The following SFXN1 variants were observed in gnomAD, a reference collection of about 807,000 sequenced individuals.
SFXN1 encodes sideroflexin-1.
In SFXN1, 32 loss-of-function variants were observed where a neutral mutation model predicts 39.5. The ratio of observed to expected loss-of-function variants is 0.81; its 90% CI spans 0.61 to 1.09. SFXN1 has a LOEUF of 1.09. Among genes scored for constraint, SFXN1 ranks in the 50% least tolerant of loss-of-function variants. The pLI is 0.00. For missense variants in SFXN1, 402 were observed against 407.1 expected (o/e 0.99, Z 0.11); for synonymous variants, 136 against 146.5 (o/e 0.93, Z 0.52).
intron 2 of SFXN1, among the ~76,000 whole-genome samples, chr5:175,493,744 C>T (rs943067654): frequency 1.3e-5 from 2 of 152,128 alleles, no homozygotes; most frequent in Non-Finnish European, 2.9e-5. Context: ...AGAAATTACA[C>T]GTAAGAAAAA....
At chr5:175,501,074 T>TC (rs1321386028) in intron 2 of SFXN1, among the ~76,000 whole-genome samples, 1 of 147,116 alleles carries the variant, frequency 6.8e-6, no homozygotes, top group East Asian at 2.0e-4. Context: ...TTTTTTTTTT[T>TC]TTTTTTTTTT....
At position 175,513,443 on chromosome 5, in the gene SFXN1, G is replaced by A; in HGVS notation, c.597-20G>A. The A allele has an allele frequency of 6.2e-7, 1 of 1,609,586 alleles. No homozygotes were observed. Among genetic ancestry groups the A allele is most frequent in the Non-Finnish European group, 8.5e-7 (1 of 1,177,050 alleles). On this transcript the variant is annotated intron_variant, in intron 6 of 10. Transcript: ENST00000321442. ...ATTGAAGGCATTGGTGGAGCTCTCT[G>A]TATGTGTTTTGCTCTGCAGGGAACT... is the stretch of plus-strand genomic sequence containing the variant.
chr5:175,511,616 C>T lies in SFXN1; in HGVS notation c.510+90C>T, dbSNP rs775170598. On this transcript the variant is annotated intron_variant, in intron 5 of 10. Coordinates refer to ENST00000321442, the MANE Select transcript of SFXN1 (RefSeq NM_022754.7). ...CCCTCTATTATTTCTTAAACTAGTTCAAGTCATATGGCTTTCTTGTTATAG... is the reference window on the plus strand; with the variant it reads ...CCCTCTATTATTTCTTAAACTAGTTTAAGTCATATGGCTTTCTTGTTATAG... 5.0e-6 allele frequency: 5 copies of T among 992,200 alleles called. No homozygotes were observed. In the Admixed American group the frequency reaches 6.2e-5, roughly 12 times the overall value. 61.5% of individuals were successfully genotyped at this position (992,200 alleles called of 1,614,324 possible). A position where few individuals can be genotyped will look rare whatever the true frequency, so the allele number is the denominator to read the frequency against.
intron 1 of SFXN1, among the ~76,000 whole-genome samples, chr5:175,488,606 G>T (rs1467661117): frequency 6.6e-6 from 1 of 152,174 alleles, no homozygotes; most frequent in Non-Finnish European, 1.5e-5. Context: ...GCCGACACCA[G>T]ATGCATTTCT....
chr5:175,496,260 C>T (rs868536906), intron 2 of SFXN1, among the ~76,000 whole-genome samples: 1 of 151,428 alleles, frequency 6.6e-6, no homozygotes, highest in Non-Finnish European at 1.5e-5. Context: ...ACCTATAATC[C>T]CAGCTCGGGA....
chr5:175,511,817 A>G (rs1760525985), intron 5 of SFXN1, among the ~76,000 whole-genome samples: 1 of 151,594 alleles, frequency 6.6e-6, no homozygotes, highest in Admixed American at 6.6e-5. Flanking sequence ...GCCTCAGGCC[A>G]CAGCTCTGAA....
In SFXN1 at chr5:175,526,854, AT is replaced by A. The variant is rs1244885328; in HGVS notation, c.*122del. 1.5e-5 allele frequency: 12 copies of A among 813,652 alleles called. No homozygotes were observed. Among genetic ancestry groups the A allele is most frequent in the Non-Finnish European group, 2.0e-5 (10 of 489,226 alleles). The allele number at this position is 813,652 out of a possible 1,614,324, so 50.4% of individuals were successfully genotyped here. ...TTACGGAAACCTTTTAAAGATCCAC[AT>A]TAGCCTTTTAGAATAAAGCTGCTAC... On this transcript the variant is annotated 3_prime_UTR_variant, in exon 11 of 11. Coordinates refer to ENST00000321442, the MANE Select transcript of SFXN1 (RefSeq NM_022754.7).
intron 9 of SFXN1, 73 bp downstream of exon 9, chr5:175,522,041 G>T (rs1760899083): frequency 1.2e-5 from 15 of 1,264,354 alleles, no homozygotes; most frequent in Non-Finnish European, 1.6e-5. Flanking sequence ...AGGTGACTGG[G>T]TAATATGGGA....
chr5:175,484,718 G>A (rs1285760498), intron 1 of SFXN1, among the ~76,000 whole-genome samples: 2 of 152,198 alleles, frequency 1.3e-5, no homozygotes, highest in African/African-American at 2.4e-5. Context: ...CCGTGTCAGC[G>A]CGCTTGCTAG....
At chr5:175,486,402 G>A (rs918415222) in intron 1 of SFXN1, among the ~76,000 whole-genome samples, 6 of 152,284 alleles carry the variant, frequency 3.9e-5, no homozygotes, top group Middle Eastern at 6.8e-3. Context: ...CATAATAAGC[G>A]CATTGGATAA....
chr5:175,510,097 C>G lies in SFXN1; in HGVS notation c.336-12C>G. Reference sequence around the variant, plus strand: ...AGTGATGGTGGGTATGTGACGGATGCCTCTGTTTTAGGACTACGCCGGCTG... The same window carrying G: ...AGTGATGGTGGGTATGTGACGGATGGCTCTGTTTTAGGACTACGCCGGCTG... On this transcript the variant is annotated splice_polypyrimidine_tract_variant and intron_variant, in intron 3 of 10. Transcript: ENST00000321442. 6.2e-7 allele frequency: 1 copy of G among 1,606,250 alleles called. No homozygotes were observed.
In SFXN1 at chr5:175,526,967, G is replaced by A. The variant is rs1420599900; in HGVS notation, c.*233G>A. The A allele has an allele frequency of 2.1e-5, 11 of 517,196 alleles. No individual in the cohort carries two copies. Among genetic ancestry groups the A allele is most frequent in the Non-Finnish European group, 3.1e-5 (9 of 293,906 alleles). The allele number at this position is 517,196 out of a possible 1,614,324, so 32.0% of individuals were successfully genotyped here. Reference sequence around the variant, plus strand: ...GATTTATAGAAATACCTTTCCTGTAGCTTTTATAGTCATTGTTTTTCAAAG... The same window carrying A: ...GATTTATAGAAATACCTTTCCTGTAACTTTTATAGTCATTGTTTTTCAAAG... On this transcript the variant is annotated 3_prime_UTR_variant, in exon 11 of 11. Transcript: ENST00000321442.
At chr5:175,513,903 T>C (rs1283439995) in intron 7 of SFXN1, among the ~76,000 whole-genome samples, 1 of 150,706 alleles carries the variant, frequency 6.6e-6, no homozygotes, top group Non-Finnish European at 1.5e-5. Context: ...TTGCCTGGTG[T>C]GTTACAGGCA....
At chr5:175,522,475 A>G (rs777435238) in intron 10 of SFXN1, 53 bp downstream of exon 10, 5 of 1,551,492 alleles carry the variant, frequency 3.2e-6, no homozygotes, top group South Asian at 1.2e-5. Context: ...CTAAAAACCA[A>G]TTGAAGGTGC....
chr5:175,483,496 TAC>T (rs1759333509), intron 1 of SFXN1: 1 of 152,204 alleles, frequency 6.6e-6, no homozygotes, highest in Non-Finnish European at 1.5e-5. Flanking sequence ...GCTAGTGCAA[TAC>T]ACAGAGACCG....
At chr5:175,519,577 C>T (rs1026217941) in intron 8 of SFXN1, among the ~76,000 whole-genome samples, 1 of 152,036 alleles carries the variant, frequency 6.6e-6, no homozygotes, top group Non-Finnish European at 1.5e-5. Flanking sequence ...TACTGTATAT[C>T]GAGTCCTAGA....
rs1435542478 is a variant in SFXN1 at position 175,512,138 on chromosome 5, G to A, written c.538G>A (p.Val180Ile). Residue 180 changes from valine (V) to isoleucine (I), a missense_variant, in exon 6 of 11, where the codon GTT (valine) becomes ATT (isoleucine). Val to Ile is a conservative substitution (Grantham distance 29). Transcript: ENST00000321442. ...KHVSPLIGRF[V>I]PFAAVAAANC... ...TGTCTCACCACTGATAGGACGTTTT[G>A]TTCCCTTTGCTGCCGTAGCTGCTGC... The A allele has an allele frequency of 3.7e-6, 6 of 1,614,000 alleles. No individual in the cohort carries two copies. The highest frequency in any genetic ancestry group is 3.3e-5 in the South Asian group (3 of 91,082).
At position 175,521,935 on chromosome 5, in the gene SFXN1, G is replaced by A. The variant is rs560263804; in HGVS notation, c.791G>A (p.Ser264Asn). The part of the protein sequence containing the change: ...KAFLKRFPWM[S>N]APIQVGLVGF... ...TCAACACAGAGGTTCCCATGGATGA[G>A]TGCACCCATTCAAGTTGGGTTAGTT... Residue 264 changes from serine (S) to asparagine (N), a missense_variant, in exon 9 of 11, where the codon AGT becomes AAT. Transcript: ENST00000321442. 66 of 1,602,922 alleles carry A rather than the reference G, an allele frequency of 4.1e-5. No homozygotes were observed. Among genetic ancestry groups the A allele is most frequent in the Non-Finnish European group, 5.3e-5 (62 of 1,172,658 alleles).
At chr5:175,520,884 G>C (rs1760860127) in intron 8 of SFXN1, among the ~76,000 whole-genome samples, 1 of 152,072 alleles carries the variant, frequency 6.6e-6, no homozygotes, top group African/African-American at 2.4e-5. Flanking sequence ...TTTGAGGAGA[G>C]GGGCCCCTCT....
Sources: gnomAD v4.1 joint callset for allele counts (sites outside exome capture counted in the v4.1 genomes callset) on GRCh38, gnomAD v4.1.1 for gene constraint, MANE v1.5 for transcripts, NCBI Gene and HGNC (gene_info 2026-07-23, HGNC 2026-07-21) for gene names.